SPATA13: variants seen among roughly 807,000 people sequenced by gnomAD.
The protein encoded by SPATA13 is spermatogenesis-associated protein 13.
In SPATA13, 50 loss-of-function variants were observed where a neutral mutation model predicts 104.0. The observed-to-expected ratio is 0.48, with a 90% CI of 0.38 to 0.61. The LOEUF (loss-of-function observed/expected upper bound fraction) is 0.61, where lower values mean the gene tolerates loss of function less well. SPATA13 is among the 20% of genes least tolerant of loss of function. The pLI is 0.00. For synonymous variants in SPATA13, 606 were observed against 667.5 expected (o/e 0.91, Z 1.42); for missense variants, 1,524 against 1,690.6 (o/e 0.90, Z 1.73).
intron 3 of SPATA13, chr13:24,017,792 T>G (rs1248959274): frequency 1.4e-6 from 1 of 703,584 alleles, no homozygotes; most frequent in East Asian, 1.3e-4. Flanking sequence ...ATAATCTGTA[T>G]GTTAACTCCG....
At chr13:24,262,909 A>T (rs964304627) in intron 4 of SPATA13, among the ~76,000 whole-genome samples, 2 of 152,220 alleles carry the variant, frequency 1.3e-5, no homozygotes, top group Non-Finnish European at 2.9e-5. Flanking sequence ...ACTGTTTATT[A>T]TCCAAATATA....
chr13:24,283,241 C>T (rs74040653), intron 4 of SPATA13, among the ~76,000 whole-genome samples: 1 of 152,236 alleles, frequency 6.6e-6, no homozygotes, highest in Non-Finnish European at 1.5e-5. Context: ...ATTTCCACTT[C>T]CTGGCTGCAG....
intron 1 of SPATA13, among the ~76,000 whole-genome samples, chr13:24,218,870 G>A (rs970533603): frequency 6.6e-6 from 1 of 151,696 alleles, no homozygotes; most frequent in Non-Finnish European, 1.5e-5. Flanking sequence ...CTGCTTTTTT[G>A]TACATTTAAT....
chr13:24,278,915 TCC>T, intron 4 of SPATA13: 1 of 1,269,672 alleles, frequency 7.9e-7, no homozygotes, highest in Non-Finnish European at 1.1e-6. Flanking sequence ...CTTCCTTCCT[TCC>T]TTCCTTCCCT....
chr13:24,203,385 T>C (rs955192363), intron 1 of SPATA13, among the ~76,000 whole-genome samples: 2 of 152,174 alleles, frequency 1.3e-5, no homozygotes, highest in Non-Finnish European at 2.9e-5. Flanking sequence ...TAAGTAGCTT[T>C]TTCCTAAACT....
At chr13:24,106,520 G>A (rs1279166041) in intron 3 of SPATA13, among the ~76,000 whole-genome samples, 1 of 152,210 alleles carries the variant, frequency 6.6e-6, no homozygotes, top group Non-Finnish European at 1.5e-5. Flanking sequence ...GAGCAGTTGT[G>A]CAGCAGTGGC....
intron 3 of SPATA13, among the ~76,000 whole-genome samples, chr13:24,021,108 G>A (rs1876954394): frequency 6.6e-6 from 1 of 152,224 alleles, no homozygotes; most frequent in South Asian, 2.1e-4. Context: ...GCATTATAAA[G>A]TAGAACACAA....
intron 2 of SPATA13, among the ~76,000 whole-genome samples, chr13:24,247,935 G>A (rs1366756950): frequency 6.6e-6 from 1 of 152,164 alleles, no homozygotes; most frequent in Non-Finnish European, 1.5e-5. Flanking sequence ...CAAGGAGGGA[G>A]CCGGTGGGCT....
At chr13:24,236,158 C>T (rs970566121) in intron 2 of SPATA13, among the ~76,000 whole-genome samples, 1 of 152,180 alleles carries the variant, frequency 6.6e-6, no homozygotes, top group African/African-American at 2.4e-5. Flanking sequence ...CAGACATGCT[C>T]ACCATTTATT....
chr13:24,089,656 A>C (rs1026307026), intron 3 of SPATA13, among the ~76,000 whole-genome samples: 2 of 152,262 alleles, frequency 1.3e-5, no homozygotes, highest in Non-Finnish European at 2.9e-5. Flanking sequence ...AGTGCAGTCC[A>C]TGCGATATTT....
Position 24,251,477 on chromosome 13 carries a change from A to C in SPATA13, c.2020-241A>C, listed in dbSNP as rs1026605171. ...TTAGTGTGACCTATTGGCATGTTGC[A>C]GACAAGTGAGATGAAACATGAGGCT... On this transcript the variant is annotated intron_variant, in intron 3 of 12. Transcript: ENST00000382108. The C allele has an allele frequency of 2.3e-5, 23 of 985,460 alleles. No homozygotes were observed. In the African/African-American group the frequency reaches 3.5e-4, roughly 15 times the overall value. The allele number at this position is 985,460 out of a possible 1,614,324, so 61.0% of individuals were successfully genotyped here. A position where few individuals can be genotyped will look rare whatever the true frequency, so the allele number is the denominator to read the frequency against.
rs879642011 is a variant in SPATA13 at position 24,266,796 on chromosome 13, C to CT, written c.2164+14945dup. Among the ~76,000 whole-genome samples, 505 of 145,426 alleles carry CT rather than the reference C, an allele frequency of 3.5e-3. 3 individuals carry two copies. The highest frequency in any genetic ancestry group is 0.011 in the African/African-American group (447 of 39,852). ...TTTGGGGGTTGGATTTTTCTTTTTTCTTTTTTTTTTTCCAAGTCAGGGCTT... is the reference window on the plus strand; with the variant it reads ...TTTGGGGGTTGGATTTTTCTTTTTTCTTTTTTTTTTTTCCAAGTCAGGGCTT... On this transcript the variant is annotated intron_variant, in intron 4 of 12. Coordinates refer to ENST00000382108, the MANE Select transcript of SPATA13 (RefSeq NM_001166271.3).
intron 1 of SPATA13, among the ~76,000 whole-genome samples, chr13:24,207,661 CA>C (rs1221211086): frequency 6.6e-6 from 1 of 152,120 alleles, no homozygotes; most frequent in Non-Finnish European, 1.5e-5. Flanking sequence ...TTTATCAAGA[CA>C]AATCTTAGGA....
intron 3 of SPATA13, among the ~76,000 whole-genome samples, chr13:24,250,131 T>C (rs964492865): frequency 6.6e-6 from 1 of 152,208 alleles, no homozygotes; most frequent in Non-Finnish European, 1.5e-5. Flanking sequence ...CAGGGAAAGG[T>C]AGCAGGGCAT....
At chr13:24,052,383 G>C (rs7329319) in intron 3 of SPATA13, among the ~76,000 whole-genome samples, 129,914 of 151,980 alleles carry the variant, frequency 0.85, 55,751 homozygotes, top group Non-Finnish European at 0.9. Context: ...CTACAAACAA[G>C]AACAACAACA....
At chr13:24,139,156 A>C (rs983713735) in intron 3 of SPATA13, among the ~76,000 whole-genome samples, 1 of 152,008 alleles carries the variant, frequency 6.6e-6, no homozygotes, top group Non-Finnish European at 1.5e-5. Flanking sequence ...GGGTCTACAC[A>C]CGCATCATTC....
chr13:24,210,050 C>T (rs1428770318), intron 1 of SPATA13, among the ~76,000 whole-genome samples: 2 of 152,012 alleles, frequency 1.3e-5, no homozygotes, highest in Non-Finnish European at 2.9e-5. Context: ...TATCTCTTGG[C>T]CATTTGTGTG....
chr13:24,236,585 G>A (rs1872582870), intron 2 of SPATA13, among the ~76,000 whole-genome samples: 1 of 123,716 alleles, frequency 8.1e-6, no homozygotes, highest in African/African-American at 3.3e-5. Flanking sequence ...GACAGAGGGA[G>A]ACTCCATCTC....
intron 4 of SPATA13, among the ~76,000 whole-genome samples, 191 bp downstream of exon 4, chr13:24,252,053 A>G (rs544485243): frequency 1.4e-4 from 21 of 152,268 alleles, no homozygotes; most frequent in Non-Finnish European, 2.2e-4. Flanking sequence ...TCTGTGTGCC[A>G]GGCTGGTGGC....
Sources: allele counts gnomAD v4.1 joint callset (sites outside exome capture counted in the v4.1 genomes callset), GRCh38; gene constraint gnomAD v4.1.1; transcripts MANE v1.5; gene names NCBI Gene and HGNC (gene_info 2026-07-23, HGNC 2026-07-21).